Variants in STPG2 observed in about 807,000 individuals in gnomAD.
The protein encoded by STPG2 is sperm-tail PG-rich repeat-containing protein 2.
STPG2 carries 56 observed loss-of-function variants against 54.2 expected under a neutral mutation model. That is an observed-to-expected ratio of 1.03 (90% CI 0.83 to 1.29). The LOEUF (loss-of-function observed/expected upper bound fraction) is 1.29. Ranked by LOEUF, STPG2 falls within the 50% of genes most tolerant of loss-of-function variation. STPG2 has a pLI of 0.00. For missense variants in STPG2, 596 were observed against 544.9 expected, an observed-to-expected ratio of 1.09 and a Z score of -0.93; for synonymous variants, 200 against 181.8, an observed-to-expected ratio of 1.10 and a Z score of -0.81.
chr4:97,746,238 A>G lies in STPG2; in HGVS notation c.1205-33424T>C, dbSNP rs546470970. Among the ~76,000 whole-genome samples, 3 of 151,394 alleles carry G rather than the reference A, an allele frequency of 2.0e-5. No homozygotes were observed. The Admixed American group carries it at 2.0e-4, about 10-fold the overall frequency. On this transcript the variant is annotated intron_variant, in intron 9 of 10. Coordinates refer to ENST00000295268, the MANE Select transcript of STPG2 (RefSeq NM_174952.3). The stretch of plus-strand genomic sequence containing the variant: ...ATACACATAAAACATATAAATGTGT[A>G]TCTTTAACTCACTAAATTAAAAGAC...
chr4:98,092,109 T>C (rs1738711905), intron 5 of STPG2, among the ~76,000 whole-genome samples: 1 of 152,104 alleles, frequency 6.6e-6, no homozygotes, highest in African/African-American at 2.4e-5. Flanking sequence ...TCCCAAAAGA[T>C]ACTGAATTAT....
At chr4:97,775,349 C>T (rs1432267612) in intron 9 of STPG2, among the ~76,000 whole-genome samples, 1 of 152,120 alleles carries the variant, frequency 6.6e-6, no homozygotes, top group Non-Finnish European at 1.5e-5. Context: ...TGGTGTGCTG[C>T]ACCCGTTAAC....
At chr4:97,604,626 G>A (rs968434101) in intron 10 of STPG2, among the ~76,000 whole-genome samples, 2 of 151,650 alleles carry the variant, frequency 1.3e-5, no homozygotes, top group East Asian at 3.9e-4. Flanking sequence ...GTTCTCTCTA[G>A]TGTAAAAGCT....
chr4:97,915,424 C>T (rs1206865084), intron 8 of STPG2, among the ~76,000 whole-genome samples: 1 of 152,106 alleles, frequency 6.6e-6, no homozygotes, highest in Non-Finnish European at 1.5e-5. Context: ...AAGTAACCAC[C>T]TCCAAAGCTG....
intron 10 of STPG2, among the ~76,000 whole-genome samples, chr4:97,604,670 T>G (rs1733549651): frequency 6.6e-6 from 1 of 151,748 alleles, no homozygotes; most frequent in Non-Finnish European, 1.5e-5. Flanking sequence ...TCTAGAAAAT[T>G]CAAAGAAATA....
chr4:97,868,605 A>T (rs914950290), intron 8 of STPG2, among the ~76,000 whole-genome samples: 1 of 151,708 alleles, frequency 6.6e-6, no homozygotes, highest in Admixed American at 6.6e-5. Flanking sequence ...TTGGCTAGTA[A>T]ATTTTGCCGG....
intron 9 of STPG2, among the ~76,000 whole-genome samples, chr4:97,788,980 C>G (rs1405678597): frequency 6.6e-6 from 1 of 151,862 alleles, no homozygotes; most frequent in African/African-American, 2.4e-5. Context: ...TTCAGTATCA[C>G]TTTTTGTTCC....
intron 4 of STPG2, among the ~76,000 whole-genome samples, chr4:97,450,800 T>G (rs1053306441): frequency 1.3e-5 from 2 of 152,212 alleles, no homozygotes; most frequent in Admixed American, 1.3e-4. Context: ...TTTTAAGATA[T>G]TATTGCTTTT....
In STPG2 at chr4:98,012,312, T is replaced by G. The variant is rs191338490; in HGVS notation, c.613-30994A>C. Among the ~76,000 whole-genome samples, 642 of 152,284 alleles carry G rather than the reference T, an allele frequency of 4.2e-3. 3 individuals carry two copies. The highest frequency in any genetic ancestry group is 0.024 in the South Asian group (117 of 4,818). Reference sequence around the variant, plus strand: ...CTGTTCTGTTCCATTAGTCTATATGTCTGTTTTGGTACCAGTACCATGGTG... The same window carrying G: ...CTGTTCTGTTCCATTAGTCTATATGGCTGTTTTGGTACCAGTACCATGGTG... On this transcript the variant is annotated intron_variant, in intron 5 of 10. Transcript: ENST00000295268.
intron 9 of STPG2, among the ~76,000 whole-genome samples, chr4:97,836,958 T>C (rs1389979198): frequency 2.6e-5 from 4 of 151,080 alleles, no homozygotes; most frequent in Non-Finnish European, 5.9e-5. Context: ...GTATCACAAG[T>C]CCCTGGAAGA....
At chr4:98,018,568 A>T (rs1361371464) in intron 5 of STPG2, among the ~76,000 whole-genome samples, 4 of 152,056 alleles carry the variant, frequency 2.6e-5, no homozygotes, top group Non-Finnish European at 4.4e-5. Flanking sequence ...GTATTTCTAG[A>T]TCTAGATCCC....
At chr4:98,025,678 G>C in intron 5 of STPG2, 13 of 1,081,698 alleles carry the variant, frequency 1.2e-5, no homozygotes, top group Non-Finnish European at 1.8e-5. Context: ...ATGTTGCAGC[G>C]TATTGTACTG....
At chr4:97,948,289 C>T (rs1012134230) in intron 7 of STPG2, among the ~76,000 whole-genome samples, 1 of 151,818 alleles carries the variant, frequency 6.6e-6, no homozygotes, top group Non-Finnish European at 1.5e-5. Flanking sequence ...TTCTAATTGA[C>T]CTTATTTGAA....
At chr4:97,558,126 T>G (rs756419206), downstream of STPG2, among the ~76,000 whole-genome samples, 5 of 152,336 alleles carry the variant, frequency 3.3e-5, no homozygotes, top group African/African-American at 1.2e-4. Context: ...CATACCCTTA[T>G]GATAAAATAC....
intron 10 of STPG2, among the ~76,000 whole-genome samples, chr4:97,706,720 C>T (rs542525590): frequency 1.3e-5 from 2 of 152,066 alleles, no homozygotes; most frequent in South Asian, 4.2e-4. Flanking sequence ...TAAGGAGATT[C>T]GACACAGGAT....
chr4:97,814,830 G>C (rs1157423893), intron 9 of STPG2, among the ~76,000 whole-genome samples: 1 of 152,150 alleles, frequency 6.6e-6, no homozygotes, highest in Non-Finnish European at 1.5e-5. Flanking sequence ...TGGAGTCCAA[G>C]TTCTTCAGCT....
intron 5 of STPG2, among the ~76,000 whole-genome samples, chr4:98,066,055 A>T (rs11736876): frequency 6.6e-6 from 1 of 151,720 alleles, no homozygotes; most frequent in Non-Finnish European, 1.5e-5. Context: ...TATATTATAT[A>T]TACCTATCAA....
At chr4:98,103,268 A>G (rs1033711212) in intron 5 of STPG2, among the ~76,000 whole-genome samples, 2 of 152,122 alleles carry the variant, frequency 1.3e-5, no homozygotes, top group African/African-American at 2.4e-5. Flanking sequence ...CTAAATGTAC[A>G]TACACTTATT....
chr4:97,873,758 T>C (rs1730075813), intron 8 of STPG2, among the ~76,000 whole-genome samples: 1 of 151,566 alleles, frequency 6.6e-6, no homozygotes, highest in Non-Finnish European at 1.5e-5. Context: ...CTTACCATGT[T>C]TGAATTGAAG....
Sources: gnomAD v4.1 joint callset for allele counts (sites outside exome capture counted in the v4.1 genomes callset) on GRCh38, gnomAD v4.1.1 for gene constraint, MANE v1.5 for transcripts, NCBI Gene and HGNC (gene_info 2026-07-23, HGNC 2026-07-21) for gene names.